MTA3: variants seen among roughly 807,000 people sequenced by gnomAD.
The protein encoded by MTA3 is metastasis associated 1 family member 3, also known as metastasis-associated protein MTA3.
MTA3 carries 34 observed loss-of-function variants against 83.5 expected under a neutral mutation model. The ratio of observed to expected loss-of-function variants is 0.41; its 90% confidence interval spans 0.31 to 0.54. The LOEUF is 0.54. MTA3 is among the 20% of genes least tolerant of loss of function. MTA3 has a pLI of 0.33. For synonymous variants in MTA3, 303 were observed against 252.7 expected (o/e 1.20, Z -1.89); for missense variants, 761 against 726.4 (o/e 1.05, Z -0.55).
intron 4 of MTA3, among the ~76,000 whole-genome samples, chr2:42,636,680 G>T (rs551657014): frequency 5.1e-4 from 73 of 143,166 alleles, no homozygotes; most frequent in African/African-American, 1.8e-3. Flanking sequence ...AGGCTGGAGT[G>T]CAGTGGTGCG....
intron 16 of MTA3, among the ~76,000 whole-genome samples, chr2:42,745,175 C>T (rs1160747526): frequency 6.6e-6 from 1 of 152,158 alleles, no homozygotes; most frequent in Admixed American, 6.5e-5. Flanking sequence ...AAAGTGATGA[C>T]ATATAAATGA....
At chr2:42,652,490 T>C (rs1024457169) in intron 6 of MTA3, among the ~76,000 whole-genome samples, 1 of 152,120 alleles carries the variant, frequency 6.6e-6, no homozygotes, top group South Asian at 2.1e-4. Flanking sequence ...GGTGAAATAT[T>C]CTGGTTTTAC....
intron 6 of MTA3, among the ~76,000 whole-genome samples, chr2:42,646,716 G>A (rs1014085925): frequency 1.3e-5 from 2 of 152,180 alleles, no homozygotes; most frequent in Non-Finnish European, 2.9e-5. Context: ...TTATGGATGA[G>A]CAAAGAAAGT....
At chr2:42,567,733 A>C (rs1178631109), upstream of MTA3, among the ~76,000 whole-genome samples, 1 of 152,002 alleles carries the variant, frequency 6.6e-6, no homozygotes, top group African/African-American at 2.4e-5. Context: ...AACCATTTAG[A>C]AGCTTTAGGC....
chr2:42,744,450 A>C (rs144430306), intron 16 of MTA3, among the ~76,000 whole-genome samples: 136 of 152,336 alleles, frequency 8.9e-4, no homozygotes, highest in African/African-American at 3.0e-3. Context: ...GAAGAGTGAC[A>C]GCAGTCCATG....
intron 8 of MTA3, among the ~76,000 whole-genome samples, 166 bp downstream of exon 8, chr2:42,660,028 C>T (rs887371680): frequency 1.3e-5 from 2 of 151,202 alleles, no homozygotes; most frequent in African/African-American, 4.9e-5. Context: ...TGATAACACT[C>T]GTCTGTGAGT....
chr2:42,523,839 G>A (rs983158780), intron 2 of MTA3, among the ~76,000 whole-genome samples: 3 of 152,054 alleles, frequency 2.0e-5, no homozygotes, highest in East Asian at 3.9e-4. Flanking sequence ...GATCACTTGA[G>A]CCGGGAAGTC....
rs147550089 is a variant in MTA3 at position 42,733,139 on chromosome 2, TA to T, written c.1759+10105del. 1.8e-3 allele frequency among the ~76,000 whole-genome samples: 270 copies of T among 152,312 alleles called. 2 individuals carry two copies. The highest frequency in any genetic ancestry group is 6.2e-3 in the African/African-American group (256 of 41,580). ...CCACTCTGCTGGTACCAATGTACTG[TA>T]TTAGTCTGTTTTCACACTGCTGATA... is the stretch of plus-strand genomic sequence containing the variant. On this transcript the variant is annotated intron_variant, in intron 16 of 16. Coordinates refer to ENST00000405094, the MANE Select transcript of MTA3 (RefSeq NM_001330442.2).
intron 11 of MTA3, 69 bp from the exon 12 acceptor site, chr2:42,704,125 G>A: frequency 6.7e-7 from 1 of 1,483,984 alleles, no homozygotes; most frequent in Non-Finnish European, 9.2e-7. Context: ...CGGTAAATCA[G>A]TAATGATATA....
At chr2:42,711,573 C>G (rs1418868156) in intron 14 of MTA3, among the ~76,000 whole-genome samples, 3 of 152,120 alleles carry the variant, frequency 2.0e-5, no homozygotes, top group African/African-American at 4.8e-5. Context: ...CAGCAGCCGT[C>G]TACTCTTTTT....
intron 2 of MTA3, among the ~76,000 whole-genome samples, chr2:42,544,927 C>A (rs372871032): frequency 6.6e-6 from 1 of 152,136 alleles, no homozygotes; most frequent in African/African-American, 2.4e-5. Flanking sequence ...AACTTCACAG[C>A]TGGCATTTTG....
At chr2:42,635,588 C>A (rs954201720) in intron 4 of MTA3, among the ~76,000 whole-genome samples, 1 of 151,784 alleles carries the variant, frequency 6.6e-6, no homozygotes, top group African/African-American at 2.4e-5. Context: ...AAGATCACAC[C>A]ACTTGCACTC....
chr2:42,717,339 T>C (rs1009204165), intron 14 of MTA3, among the ~76,000 whole-genome samples: 4 of 152,242 alleles, frequency 2.6e-5, no homozygotes, highest in Non-Finnish European at 2.9e-5. Flanking sequence ...AGAAAACCTG[T>C]AGGACATTTT....
At chr2:42,743,674 A>G (rs973967331) in intron 16 of MTA3, among the ~76,000 whole-genome samples, 4 of 152,290 alleles carry the variant, frequency 2.6e-5, no homozygotes, top group East Asian at 1.9e-4. Context: ...TGTAAGTACA[A>G]TATTATGATC....
chr2:42,567,556 C>T (rs147161731), upstream of MTA3, among the ~76,000 whole-genome samples: 10 of 152,142 alleles, frequency 6.6e-5, no homozygotes, highest in African/African-American at 2.4e-4. Flanking sequence ...TATTATGCAG[C>T]AATGTCTGGG....
intron 4 of MTA3, among the ~76,000 whole-genome samples, chr2:42,633,735 C>T (rs574534597): frequency 6.6e-6 from 1 of 151,280 alleles, no homozygotes; most frequent in Admixed American, 6.6e-5. Flanking sequence ...ACTAAAAATA[C>T]AAAAAAAAGT....
chr2:42,711,300 A>G (rs548511855), intron 14 of MTA3, among the ~76,000 whole-genome samples: 1 of 152,082 alleles, frequency 6.6e-6, no homozygotes, highest in South Asian at 2.1e-4. Flanking sequence ...TTATTCTTCA[A>G]TGAAGTATAT....
At chr2:42,605,866 C>A (rs62142700) in intron 3 of MTA3, among the ~76,000 whole-genome samples, 11 of 126,388 alleles carry the variant, frequency 8.7e-5, no homozygotes, top group Admixed American at 6.7e-4. Context: ...CCCTCCTGGA[C>A]GGGGCGGTTG....
chr2:42,585,768 G>A (rs539628019), intron 3 of MTA3, among the ~76,000 whole-genome samples: 13 of 151,920 alleles, frequency 8.6e-5, no homozygotes, highest in East Asian at 3.9e-4. Context: ...GCCACTTTGC[G>A]TGGCCCCATC....
Sources: gnomAD v4.1 joint callset for allele counts (sites outside exome capture counted in the v4.1 genomes callset) on GRCh38, gnomAD v4.1.1 for gene constraint, MANE v1.5 for transcripts, NCBI Gene and HGNC (gene_info 2026-07-23, HGNC 2026-07-21) for gene names.